The following EYS variants were observed in gnomAD, a reference collection of about 807,000 sequenced individuals.
EYS encodes EGF-like photoreceptor maintenance factor.
Under a neutral mutation model 282.1 loss-of-function variants are expected in EYS, and 250 were observed. The observed-to-expected ratio is 0.89, with a 90% CI of 0.80 to 0.98. The LOEUF is 0.98. Ranked by LOEUF, EYS falls within the 50% of genes least tolerant of loss-of-function variation. The probability of loss-of-function intolerance (pLI) is 0.00; values close to 1 mark genes in which losing one functional copy is unlikely to be tolerated. For missense variants in EYS, 4,016 were observed against 3,709.0 expected (o/e 1.08, Z -2.15); for synonymous variants, 1,355 against 1,282.9 (o/e 1.06, Z -1.20).
At chr6:65,018,137 AC>A (rs1451988701) in intron 13 of EYS, among the ~76,000 whole-genome samples, 1 of 152,220 alleles carries the variant, frequency 6.6e-6, no homozygotes, top group Admixed American at 6.5e-5. Context: ...CTGCATTCTC[AC>A]AGATGTGTAA....
intron 31 of EYS, among the ~76,000 whole-genome samples, chr6:64,185,413 C>T (rs1381846070): frequency 6.6e-6 from 1 of 152,108 alleles, no homozygotes; most frequent in South Asian, 2.1e-4. Flanking sequence ...ATGTAATTCT[C>T]CTCTAAGTGA....
chr6:65,047,617 A>G (rs1380411911), intron 13 of EYS, among the ~76,000 whole-genome samples: 1 of 151,822 alleles, frequency 6.6e-6, no homozygotes, highest in African/African-American at 2.4e-5. Context: ...TATCTTCTCT[A>G]CCTCCTGAAG....
At chr6:63,980,271 T>C (rs888175777) in intron 35 of EYS, among the ~76,000 whole-genome samples, 9 of 151,702 alleles carry the variant, frequency 5.9e-5, no homozygotes, top group Non-Finnish European at 1.3e-4. Flanking sequence ...CAAGAGTGTG[T>C]GTGTGTGTGT....
chr6:64,481,254 T>C (rs1277526392), intron 26 of EYS, among the ~76,000 whole-genome samples: 2 of 138,686 alleles, frequency 1.4e-5, no homozygotes, highest in Non-Finnish European at 3.1e-5. Context: ...ATACATCTCT[T>C]ATGTGTATGG....
intron 27 of EYS, among the ~76,000 whole-genome samples, chr6:64,436,697 C>G (rs541496822): frequency 2.0e-5 from 3 of 151,806 alleles, no homozygotes; most frequent in Non-Finnish European, 4.4e-5. Context: ...GAAAACTAAC[C>G]ATTCATTCCA....
At chr6:64,128,232 CT>C (rs1773849521) in intron 31 of EYS, among the ~76,000 whole-genome samples, 1 of 152,076 alleles carries the variant, frequency 6.6e-6, no homozygotes, top group Admixed American at 6.6e-5. Context: ...AATTGCATTT[CT>C]AAAAATAATA....
chr6:65,190,131 T>C (rs896134970), intron 12 of EYS, among the ~76,000 whole-genome samples: 2 of 151,338 alleles, frequency 1.3e-5, no homozygotes, highest in Non-Finnish European at 3.0e-5. Flanking sequence ...TGTATGTGAG[T>C]GATGCAACCA....
chr6:64,979,196 C>T (rs916028571), intron 14 of EYS, among the ~76,000 whole-genome samples: 6 of 151,724 alleles, frequency 4.0e-5, no homozygotes, highest in South Asian at 2.1e-4. Flanking sequence ...TTGCTATATT[C>T]GCTTTATTGC....
chr6:64,152,706 G>T (rs1774783313), intron 31 of EYS, among the ~76,000 whole-genome samples: 1 of 152,102 alleles, frequency 6.6e-6, no homozygotes, highest in Non-Finnish European at 1.5e-5. Flanking sequence ...CTATGATTTT[G>T]CATCTAGAGA....
At chr6:64,762,917 A>G (rs1773207299) in intron 22 of EYS, among the ~76,000 whole-genome samples, 1 of 152,214 alleles carries the variant, frequency 6.6e-6, no homozygotes, top group African/African-American at 2.4e-5. Flanking sequence ...AATTTATTTC[A>G]TAAAATACTC....
At chr6:64,725,362 G>T (rs113773754) in intron 22 of EYS, among the ~76,000 whole-genome samples, 1 of 152,070 alleles carries the variant, frequency 6.6e-6, no homozygotes, top group Non-Finnish European at 1.5e-5. Flanking sequence ...TTCCTATCGT[G>T]TTCTCCCAGC....
At chr6:64,854,300 T>C (rs370130572) in intron 19 of EYS, among the ~76,000 whole-genome samples, 3 of 152,002 alleles carry the variant, frequency 2.0e-5, no homozygotes, top group Non-Finnish European at 4.4e-5. Context: ...CACATGCACA[T>C]GTATGTTTAT....
At chr6:63,972,017 G>C (rs573103739) in intron 35 of EYS, among the ~76,000 whole-genome samples, 2 of 152,150 alleles carry the variant, frequency 1.3e-5, no homozygotes, top group African/African-American at 2.4e-5. Context: ...AATTTCACTT[G>C]TTGGGCCTTG....
intron 35 of EYS, among the ~76,000 whole-genome samples, chr6:63,923,081 T>A (rs930659676): frequency 4.6e-5 from 7 of 152,192 alleles, no homozygotes; most frequent in Admixed American, 6.5e-5. Context: ...GCTAAAGTAA[T>A]GTTTCAGTCT....
intron 22 of EYS, among the ~76,000 whole-genome samples, chr6:64,781,854 T>C: frequency 6.6e-6 from 1 of 152,238 alleles, no homozygotes; most frequent in East Asian, 1.9e-4. Flanking sequence ...ACTGTTTAAC[T>C]ACTGTGTGAA....
chr6:63,753,140 G>GTATATATA lies in EYS; in HGVS notation c.8071+9313_8071+9320dup, dbSNP rs33925107. The stretch of plus-strand genomic sequence containing the variant: ...AATATGTGTGTGTATGTGTGTGTGT[G>GTATATATA]TATATATATATATATATATATATAT... On this transcript the variant is annotated intron_variant, in intron 41 of 42. Coordinates refer to ENST00000503581, the MANE Select transcript of EYS (RefSeq NM_001142800.2). Among the ~76,000 whole-genome samples, 46 of 136,032 alleles carry GTATATATA rather than the reference G, an allele frequency of 3.4e-4. No individual in the cohort carries two copies. In the Middle Eastern group the frequency reaches 0.011, roughly 33 times the overall value. 89.2% of individuals were successfully genotyped at this position (136,032 alleles called of 152,430 possible).
chr6:65,165,267 G>C (rs1287989484), intron 12 of EYS, among the ~76,000 whole-genome samples: 1 of 148,298 alleles, frequency 6.7e-6, no homozygotes, highest in Admixed American at 6.7e-5. Context: ...CCTTAGCTTT[G>C]CATATATTTA....
In EYS at chr6:64,813,551, A is replaced by G. The variant is rs915641997; in HGVS notation, c.3270T>C (p.Asn1090=). Residue 1090 remains asparagine (N), a synonymous_variant, in exon 22 of 43, where the codon AAT becomes AAC. Transcript: ENST00000503581. ...GTGCTGACTTCTGACAGAAGCCTTC[A>G]TTCATACAAGGGATTGATGTGCAGT... is the stretch of plus-strand genomic sequence containing the variant. ...INDCTSIPCM[N]EGFCQKSAHG... is the part of the protein sequence containing the mutation. 1.3e-6 allele frequency: 2 copies of G among 1,549,560 alleles called. No individual in the cohort carries two copies. Among genetic ancestry groups the G allele is most frequent in the African/African-American group, 2.7e-5 (2 of 72,922 alleles).
chr6:63,838,075 G>A (rs1384747686), intron 36 of EYS, among the ~76,000 whole-genome samples: 1 of 152,074 alleles, frequency 6.6e-6, no homozygotes, highest in African/African-American at 2.4e-5. Context: ...TTGATAGGAA[G>A]TGGTTCATCA....
Sources: gnomAD v4.1 joint callset for allele counts (sites outside exome capture counted in the v4.1 genomes callset) on GRCh38, gnomAD v4.1.1 for gene constraint, MANE v1.5 for transcripts, NCBI Gene and HGNC (gene_info 2026-07-23, HGNC 2026-07-21) for gene names.